The following PKNOX2 variants were observed in gnomAD, a reference collection of about 807,000 sequenced individuals.
The protein encoded by PKNOX2 is homeobox protein PKNOX2.
PKNOX2 carries 14 observed loss-of-function variants against 53.1 expected under a neutral mutation model. The ratio of observed to expected loss-of-function variants is 0.26; its 90% CI spans 0.17 to 0.41. The LOEUF (loss-of-function observed/expected upper bound fraction) is 0.41. Among genes scored for constraint, PKNOX2 ranks in the 10% least tolerant of loss-of-function variants. The probability of loss-of-function intolerance (pLI) is 1.00; values close to 1 mark genes in which losing one functional copy is unlikely to be tolerated. For synonymous variants in PKNOX2, 257 were observed against 242.8 expected, an observed-to-expected ratio of 1.06 and a Z score of -0.54; for missense variants, 496 against 602.8, an observed-to-expected ratio of 0.82 and a Z score of 1.85.
chr11:125,379,740 G>A (rs573200997), intron 5 of PKNOX2, among the ~76,000 whole-genome samples: 1 of 152,106 alleles, frequency 6.6e-6, no homozygotes, highest in African/African-American at 2.4e-5. Flanking sequence ...CACACACCTT[G>A]GCCCCAAACT....
chr11:125,243,854 C>A (rs887655120), intron 2 of PKNOX2, among the ~76,000 whole-genome samples: 30 of 152,182 alleles, frequency 2.0e-4, no homozygotes, highest in East Asian at 3.9e-4. Context: ...GATCTCCTGA[C>A]CTCGTAATCT....
chr11:125,311,723 C>T (rs943224130), intron 2 of PKNOX2, among the ~76,000 whole-genome samples: 1 of 152,160 alleles, frequency 6.6e-6, no homozygotes, highest in African/African-American at 2.4e-5. Flanking sequence ...GCCTCGAACA[C>T]TCATGTCAAG....
chr11:125,199,256 C>A (rs185703902), intron 1 of PKNOX2, among the ~76,000 whole-genome samples: 1 of 152,228 alleles, frequency 6.6e-6, no homozygotes, highest in East Asian at 1.9e-4. Context: ...CCTCTGAGAG[C>A]TCCCCAAGCT....
In PKNOX2 at chr11:125,372,363, C is replaced by G. The variant is rs955036851; in HGVS notation, c.227+4378C>G. On this transcript the variant is annotated intron_variant, in intron 5 of 12. Transcript: ENST00000298282. ...CCTAGGGAGCCAGGTTCCAGGCGCACAGTCTCTAGATTTACATGCGTAAGC... is the reference window on the plus strand; with the variant it reads ...CCTAGGGAGCCAGGTTCCAGGCGCAGAGTCTCTAGATTTACATGCGTAAGC... 1.1e-4 allele frequency among the ~76,000 whole-genome samples: 17 copies of G among 150,290 alleles called. No individual in the cohort carries two copies. In the South Asian group the frequency reaches 3.6e-3, roughly 31 times the overall value.
chr11:125,215,224 T>C (rs574998303), intron 1 of PKNOX2, among the ~76,000 whole-genome samples: 6 of 151,984 alleles, frequency 3.9e-5, no homozygotes, highest in Non-Finnish European at 7.4e-5. Context: ...GCTTAGGAGT[T>C]AGTGCAGTAA....
chr11:125,306,528 C>T (rs1376941818), intron 2 of PKNOX2, among the ~76,000 whole-genome samples: 1 of 152,164 alleles, frequency 6.6e-6, no homozygotes, highest in African/African-American at 2.4e-5. Flanking sequence ...ATGTTATGTC[C>T]ACCATAAAAC....
chr11:125,335,682 G>T (rs537220765), intron 3 of PKNOX2, among the ~76,000 whole-genome samples: 1 of 152,144 alleles, frequency 6.6e-6, no homozygotes, highest in Non-Finnish European at 1.5e-5. Context: ...GCCAGGCATG[G>T]TGATGCACAC....
chr11:125,222,251 C>T (rs1941221389), intron 1 of PKNOX2, among the ~76,000 whole-genome samples: 3 of 152,178 alleles, frequency 2.0e-5, no homozygotes, highest in South Asian at 4.2e-4. Context: ...CCCTTGCTCT[C>T]TTCCAGTTGG....
At chr11:125,415,842 A>C (rs1955842288) in intron 10 of PKNOX2, among the ~76,000 whole-genome samples, 1 of 152,236 alleles carries the variant, frequency 6.6e-6, no homozygotes, top group Non-Finnish European at 1.5e-5. Context: ...AGTTTAAAAA[A>C]GAAACAACCA....
At chr11:125,249,525 A>G (rs780080276) in intron 2 of PKNOX2, among the ~76,000 whole-genome samples, 3 of 152,222 alleles carry the variant, frequency 2.0e-5, no homozygotes, top group Non-Finnish European at 4.4e-5. Context: ...ATATAGTATT[A>G]CAACTATTTA....
At chr11:125,278,217 TAA>T (rs530102994) in intron 2 of PKNOX2, among the ~76,000 whole-genome samples, 105 of 82,834 alleles carry the variant, frequency 1.3e-3, no homozygotes, top group Non-Finnish European at 2.0e-3. Flanking sequence ...AGACCCTGTC[TAA>T]AAAAAAAAAA....
At chr11:125,371,612 C>T (rs572261798) in intron 5 of PKNOX2, among the ~76,000 whole-genome samples, 104 of 151,984 alleles carry the variant, frequency 6.8e-4, no homozygotes, top group African/African-American at 2.4e-3. Context: ...TCCTGAGGAG[C>T]GGAAGAGGGG....
chr11:125,237,904 G>T (rs565105901), intron 2 of PKNOX2, among the ~76,000 whole-genome samples: 1 of 152,170 alleles, frequency 6.6e-6, no homozygotes, highest in African/African-American at 2.4e-5. Flanking sequence ...GGACTTCTAA[G>T]CTGGGGTAGG....
chr11:125,239,980 A>G (rs1943019989), intron 2 of PKNOX2: 1 of 152,260 alleles, frequency 6.6e-6, no homozygotes. Context: ...GTGGAGTGGT[A>G]AAAAATAATG....
chr11:125,381,515 A>G (rs1233911902), intron 5 of PKNOX2, among the ~76,000 whole-genome samples: 1 of 152,076 alleles, frequency 6.6e-6, no homozygotes, highest in African/African-American at 2.4e-5. Flanking sequence ...ACACCCCCAG[A>G]TATGCCCCCA....
intron 8 of PKNOX2, 55 bp downstream of exon 8, chr11:125,410,380 G>A: frequency 6.2e-7 from 1 of 1,607,130 alleles, no homozygotes; most frequent in East Asian, 2.2e-5. Context: ...AGGAGAAAGG[G>A]TGGCCCCGAG....
intron 1 of PKNOX2, among the ~76,000 whole-genome samples, chr11:125,192,472 T>C (rs1956936633): frequency 6.6e-6 from 1 of 152,152 alleles, no homozygotes; most frequent in Admixed American, 6.5e-5. Context: ...ATAAATGATG[T>C]CCTTTAACCT....
At chr11:125,293,287 A>T (rs1474213688) in intron 2 of PKNOX2, among the ~76,000 whole-genome samples, 2 of 152,290 alleles carry the variant, frequency 1.3e-5, no homozygotes, top group East Asian at 3.9e-4. Flanking sequence ...ATCACAGAAC[A>T]AATTGTAATT....
intron 2 of PKNOX2, among the ~76,000 whole-genome samples, chr11:125,296,245 C>T (rs1947647124): frequency 6.6e-6 from 1 of 152,152 alleles, no homozygotes; most frequent in African/African-American, 2.4e-5. Context: ...GATCATGCCA[C>T]TTCTGTGCTC....
Sources: gnomAD v4.1 joint callset for allele counts (sites outside exome capture counted in the v4.1 genomes callset) on GRCh38, gnomAD v4.1.1 for gene constraint, MANE v1.5 for transcripts, NCBI Gene and HGNC (gene_info 2026-07-23, HGNC 2026-07-21) for gene names.